SUCLG2: variants seen among roughly 807,000 people sequenced by gnomAD.
SUCLG2 encodes succinate--CoA ligase [GDP-forming] subunit beta, mitochondrial.
Under a neutral mutation model 47.9 loss-of-function variants are expected in SUCLG2, and 42 were observed. That is an observed-to-expected ratio of 0.88 (90% CI 0.69 to 1.14). The LOEUF (loss-of-function observed/expected upper bound fraction) is 1.14, where lower values mean the gene tolerates loss of function less well. SUCLG2 is among the 50% of genes most tolerant of loss of function. SUCLG2 has a pLI of 0.00. For missense variants in SUCLG2, 571 were observed against 525.9 expected, an observed-to-expected ratio of 1.09 and a Z score of -0.84; for synonymous variants, 195 against 197.3, an observed-to-expected ratio of 0.99 and a Z score of 0.10.
chr3:67,519,940 T>C (rs1458983960), intron 5 of SUCLG2, among the ~76,000 whole-genome samples: 6 of 152,182 alleles, frequency 3.9e-5, no homozygotes, highest in African/African-American at 1.2e-4. Context: ...CTCAGATCTC[T>C]GACTTGAAAC....
Position 67,579,306 on chromosome 3 carries a change from ATTAAT to A in SUCLG2, c.226+30144_226+30148del, listed in dbSNP as rs375222812. Among the ~76,000 whole-genome samples, 45 of 152,304 alleles carry A rather than the reference ATTAAT, an allele frequency of 3.0e-4. 1 individual carries two copies. In the East Asian group the frequency reaches 7.5e-3, roughly 25 times the overall value. On this transcript the variant is annotated intron_variant, in intron 2 of 10. Coordinates refer to ENST00000307227, the MANE Select transcript of SUCLG2 (RefSeq NM_003848.4). ...AGAAGAATTTAGAATGTCAAGTGGC[ATTAAT>A]TTAAGTAGAAATAAGTTCTCTACAC...
chr3:67,439,149 T>G (rs1333041026), intron 9 of SUCLG2, among the ~76,000 whole-genome samples: 2 of 152,202 alleles, frequency 1.3e-5, no homozygotes, highest in Non-Finnish European at 2.9e-5. Context: ...CATGATTATC[T>G]CAATAGATGC....
chr3:67,519,056 A>G (rs1706027033), intron 5 of SUCLG2, among the ~76,000 whole-genome samples: 1 of 152,054 alleles, frequency 6.6e-6, no homozygotes. Flanking sequence ...TTTTGTTATA[A>G]GGTTGAGAAA....
intron 9 of SUCLG2, among the ~76,000 whole-genome samples, chr3:67,438,779 C>T (rs564198746): frequency 2.0e-5 from 3 of 152,052 alleles, no homozygotes; most frequent in South Asian, 2.1e-4. Context: ...AAGGATCAGA[C>T]GGATTCACGG....
chr3:67,539,164 T>C (rs1706630624), intron 2 of SUCLG2, among the ~76,000 whole-genome samples: 1 of 152,230 alleles, frequency 6.6e-6, no homozygotes, highest in Non-Finnish European at 1.5e-5. Flanking sequence ...CTTCCTGCTT[T>C]TGCCCATTCA....
chr3:67,426,758 T>A (rs887653092), intron 9 of SUCLG2, among the ~76,000 whole-genome samples: 1 of 152,092 alleles, frequency 6.6e-6, no homozygotes, highest in South Asian at 2.1e-4. Context: ...TGAAACCCCA[T>A]CTCTACAAAA....
chr3:67,403,356 A>AT (rs1161216708), intron 9 of SUCLG2, among the ~76,000 whole-genome samples: 2 of 152,040 alleles, frequency 1.3e-5, no homozygotes. Context: ...GTATTTTCCC[A>AT]TTTTTTTAAT....
intron 2 of SUCLG2, among the ~76,000 whole-genome samples, chr3:67,542,894 G>T (rs994970960): frequency 7.9e-5 from 12 of 152,122 alleles, no homozygotes; most frequent in Non-Finnish European, 1.3e-4. Context: ...ACATCCCACT[G>T]TCAATATTAG....
chr3:67,460,307 CAT>C lies in SUCLG2; in HGVS notation c.1062+35489_1062+35490del, dbSNP rs1426687193. ...TACAATCTGGTTCACACAATAATCACATGATAGTACAATAAAAGTGACAATAA... is the reference window on the plus strand; with the variant it reads ...TACAATCTGGTTCACACAATAATCACGATAGTACAATAAAAGTGACAATAA... On this transcript the variant is annotated intron_variant, in intron 9 of 10. Transcript: ENST00000307227. Among the ~76,000 whole-genome samples, 4 of 152,148 alleles carry C rather than the reference CAT, an allele frequency of 2.6e-5. 1 individual carries two copies. In the South Asian group the frequency reaches 6.2e-4, roughly 24 times the overall value.
intron 2 of SUCLG2, among the ~76,000 whole-genome samples, chr3:67,576,258 C>T (rs1224755686): frequency 6.6e-6 from 1 of 152,200 alleles, no homozygotes; most frequent in Non-Finnish European, 1.5e-5. Flanking sequence ...GAAAGACAGG[C>T]TCATTGAGTT....
At chr3:67,519,230 T>A (rs1706031304) in intron 5 of SUCLG2, among the ~76,000 whole-genome samples, 1 of 152,112 alleles carries the variant, frequency 6.6e-6, no homozygotes, top group Non-Finnish European at 1.5e-5. Context: ...TGAGTGGGTG[T>A]GGTGTGTAAG....
intron 1 of SUCLG2, among the ~76,000 whole-genome samples, chr3:67,628,966 A>T (rs1257915491): frequency 6.6e-6 from 1 of 152,212 alleles, no homozygotes; most frequent in Non-Finnish European, 1.5e-5. Context: ...GAGAACAAGG[A>T]AGAACAGACA....
intron 9 of SUCLG2, among the ~76,000 whole-genome samples, chr3:67,454,792 C>G (rs373103322): frequency 1.3e-5 from 2 of 152,162 alleles, no homozygotes; most frequent in African/African-American, 2.4e-5. Flanking sequence ...GAAACCCCAT[C>G]TCTACTAAAA....
intron 10 of SUCLG2, among the ~76,000 whole-genome samples, chr3:67,388,948 C>G (rs1559507166): frequency 6.6e-6 from 1 of 152,032 alleles, no homozygotes. Flanking sequence ...AGTCATCATC[C>G]ATACCTGAGA....
intron 4 of SUCLG2, among the ~76,000 whole-genome samples, chr3:67,521,337 T>C (rs543578617): frequency 5.9e-5 from 9 of 152,264 alleles, no homozygotes; most frequent in Middle Eastern, 3.4e-3. Flanking sequence ...TCTGGGAATA[T>C]GTGGTCATTT....
At chr3:67,620,377 G>A (rs921314656) in intron 1 of SUCLG2, among the ~76,000 whole-genome samples, 4 of 152,006 alleles carry the variant, frequency 2.6e-5, no homozygotes, top group African/African-American at 7.3e-5. Context: ...CTGAGGTCAG[G>A]AGTTCAAGAC....
At chr3:67,558,796 C>T (rs1432699562) in intron 2 of SUCLG2, among the ~76,000 whole-genome samples, 3 of 152,088 alleles carry the variant, frequency 2.0e-5, no homozygotes, top group African/African-American at 4.8e-5. Context: ...GAGAAAGGGT[C>T]GCTCCCCTGG....
At chr3:67,584,845 T>C (rs1203273762) in intron 2 of SUCLG2, among the ~76,000 whole-genome samples, 1 of 152,010 alleles carries the variant, frequency 6.6e-6, no homozygotes, top group Non-Finnish European at 1.5e-5. Context: ...AACCATCAGA[T>C]CTCATGCGAA....
At chr3:67,443,891 C>T (rs1208441444) in intron 9 of SUCLG2, among the ~76,000 whole-genome samples, 2 of 85,178 alleles carry the variant, frequency 2.3e-5, no homozygotes, top group African/African-American at 7.5e-5. Context: ...GCCTCTCCAC[C>T]CGGCAGCCAC....
Sources: gnomAD v4.1 joint callset for allele counts (sites outside exome capture counted in the v4.1 genomes callset) on GRCh38, gnomAD v4.1.1 for gene constraint, MANE v1.5 for transcripts, NCBI Gene and HGNC (gene_info 2026-07-23, HGNC 2026-07-21) for gene names.